The following NXPE1 variants were observed in gnomAD, a reference collection of about 807,000 sequenced individuals.
NXPE1 encodes NXPE family member 1.
Under a neutral mutation model 33.3 loss-of-function variants are expected in NXPE1, and 31 were observed. The observed-to-expected ratio is 0.93, with a 90% CI of 0.70 to 1.26. NXPE1 has a LOEUF of 1.26. Ranked by LOEUF, NXPE1 falls within the 50% of genes most tolerant of loss-of-function variation. The pLI is 0.00. For missense variants in NXPE1, 661 were observed against 655.6 expected, an observed-to-expected ratio of 1.01 and a Z score of -0.09; for synonymous variants, 229 against 231.4, an observed-to-expected ratio of 0.99 and a Z score of 0.09.
Position 114,527,905 on chromosome 11 carries a change from CAA to C in NXPE1, c.834-6_834-5del, listed in dbSNP as rs35058533. ...CATTTCAACTCCCACTTTGGACCTT[CAA>C]AAAAAAAATAGAACAATAAATTAGC... On this transcript the variant is annotated splice_region_variant and splice_polypyrimidine_tract_variant and intron_variant, in intron 6 of 8. Transcript: ENST00000534921. 5.0e-5 allele frequency: 74 copies of C among 1,486,120 alleles called. No homozygotes were observed. Among genetic ancestry groups the C allele is most frequent in the African/African-American group, 1.7e-4 (12 of 71,402 alleles). The allele number at this position is 1,486,120 out of a possible 1,614,324, so 92.1% of individuals were successfully genotyped here.
chr11:114,522,967 T>C lies in NXPE1; in HGVS notation c.1020A>G (p.Ile340Met), dbSNP rs115978809. ...TGAGTTTGCCTTTCAAACAGCCATT[T>C]ATCTTAATTGTGTCTAACTGAACCT... is the stretch of plus-strand genomic sequence containing the variant. Residue 340 changes from isoleucine (I) to methionine (M), a missense_variant, in exon 8 of 9, where the codon ATA becomes ATG. Physicochemically the swap from Ile to Met is conservative, Grantham distance 10. Coordinates refer to ENST00000534921, the Ensembl canonical transcript of NXPE1. The C allele has an allele frequency of 4.3e-6, 7 of 1,613,770 alleles. No individual in the cohort carries two copies. In the East Asian group the frequency reaches 1.6e-4, roughly 36 times the overall value.
chr11:114,527,920 AC>A lies in NXPE1; in HGVS notation c.834-20del. The A allele has an allele frequency of 6.3e-7, 1 of 1,581,264 alleles. No individual in the cohort carries two copies. Among genetic ancestry groups the A allele is most frequent in the African/African-American group, 1.4e-5 (1 of 73,950 alleles). On this transcript the variant is annotated intron_variant, in intron 6 of 8. Transcript: ENST00000534921. ...TTTGGACCTTCAAAAAAAAAATAGA[AC>A]AATAAATTAGCCTGCTCTCTGCCCA...
chr11:114,520,481 C>T (rs1947188130), downstream of NXPE1, among the ~76,000 whole-genome samples: 1 of 152,180 alleles, frequency 6.6e-6, no homozygotes, highest in African/African-American at 2.4e-5. Context: ...TTCCATTGTA[C>T]ATATATACTG....
chr11:114,537,960 C>T, intron 5 of NXPE1, among the ~76,000 whole-genome samples: 1 of 151,956 alleles, frequency 6.6e-6, no homozygotes, highest in African/African-American at 2.4e-5. Flanking sequence ...CCAAAAAGCC[C>T]ACATTGCCAA....
intron 1 of NXPE1, chr11:114,553,725 A>G (rs1329948480): frequency 1.0e-6 from 1 of 985,382 alleles, no homozygotes; most frequent in Admixed American, 6.1e-5. Context: ...TGCATATCCC[A>G]GTGTCTTTAA....
intron 5 of NXPE1, among the ~76,000 whole-genome samples, chr11:114,545,637 G>T (rs114200470): frequency 0.014 from 2,081 of 152,020 alleles, 51 homozygotes; most frequent in African/African-American, 0.048. Flanking sequence ...TGATACTGTT[G>T]TGTATACATG....
chr11:114,539,227 G>A (rs900115096), intron 5 of NXPE1, among the ~76,000 whole-genome samples: 5 of 148,950 alleles, frequency 3.4e-5, no homozygotes, highest in African/African-American at 1.2e-4. Context: ...GGTGGGAATT[G>A]AACAATGAGA....
At chr11:114,521,065 G>A (rs1489629467), downstream of NXPE1, among the ~76,000 whole-genome samples, 1 of 152,140 alleles carries the variant, frequency 6.6e-6, no homozygotes, top group Admixed American at 6.5e-5. Flanking sequence ...GTTTTTAAAT[G>A]GTGCTTTCCT....
rs116712555 is a variant in NXPE1, at chr11:114,522,310, G to A, written c.1302C>T (p.Ile434=). ...TAAAGTGCTGGCCAAAGGTGATGAC[G>A]ATGGCTGTGTTTTTGTCACCTGATA... Residue 434 remains isoleucine, a synonymous_variant, in exon 9 of 9, where the codon ATC becomes ATT. Transcript: ENST00000534921. 3.7e-4 allele frequency: 603 copies of A among 1,614,062 alleles called. 12 individuals carry two copies. The East Asian group carries it at 0.011, about 29-fold the overall frequency.
At chr11:114,534,240 A>G (rs1176313714) in intron 5 of NXPE1, among the ~76,000 whole-genome samples, 1 of 152,238 alleles carries the variant, frequency 6.6e-6, no homozygotes, top group African/African-American at 2.4e-5. Flanking sequence ...TGTTAGAAGG[A>G]AAACTAACAA....
intron 7 of NXPE1, among the ~76,000 whole-genome samples, chr11:114,524,029 G>T (rs1057164229): frequency 1.3e-5 from 2 of 152,204 alleles, no homozygotes; most frequent in South Asian, 2.1e-4. Flanking sequence ...AGGGACTCTT[G>T]TTCCTTCTAT....
chr11:114,552,433 G>A (rs577707923), intron 2 of NXPE1, among the ~76,000 whole-genome samples: 14 of 152,192 alleles, frequency 9.2e-5, no homozygotes, highest in Admixed American at 7.2e-4. Flanking sequence ...AGCATTCCAT[G>A]TCCAGTGTCT....
intron 5 of NXPE1, among the ~76,000 whole-genome samples, chr11:114,531,932 T>G (rs1476466376): frequency 6.6e-6 from 1 of 152,236 alleles, no homozygotes; most frequent in African/African-American, 2.4e-5. Flanking sequence ...TTTAAAAATA[T>G]GCACTCTTAG....
exon 8 of NXPE1, chr11:114,523,088 C>A (rs377195015): frequency 1.2e-6 from 2 of 1,610,228 alleles, no homozygotes; most frequent in African/African-American, 2.7e-5. Flanking sequence ...TATTTTTTCT[C>A]TCTCTGGTAA....
exon 6 of NXPE1, chr11:114,530,285 G>A: frequency 6.2e-7 from 1 of 1,614,154 alleles, no homozygotes. Flanking sequence ...TACAATAGAA[G>A]GCTTCTTGGT....
At chr11:114,544,938 G>A (rs1008313419) in intron 5 of NXPE1, among the ~76,000 whole-genome samples, 4 of 151,970 alleles carry the variant, frequency 2.6e-5, no homozygotes, top group South Asian at 2.1e-4. Flanking sequence ...GAAGAGACAC[G>A]CATTACAACT....
chr11:114,534,229 C>T (rs913029589), intron 5 of NXPE1, among the ~76,000 whole-genome samples: 2 of 152,200 alleles, frequency 1.3e-5, no homozygotes, highest in Non-Finnish European at 2.9e-5. Context: ...AGGGTTCTGA[C>T]TGTTAGAAGG....
At chr11:114,533,129 TG>T (rs920985105) in intron 5 of NXPE1, among the ~76,000 whole-genome samples, 21 of 152,296 alleles carry the variant, frequency 1.4e-4, no homozygotes, top group Non-Finnish European at 2.9e-4. Flanking sequence ...ATGAGAATGA[TG>T]GGGGGAGAAA....
chr11:114,533,953 G>T (rs1043811602), intron 5 of NXPE1, among the ~76,000 whole-genome samples: 2 of 152,224 alleles, frequency 1.3e-5, no homozygotes, highest in Non-Finnish European at 2.9e-5. Context: ...CTCCCAGCAT[G>T]CAGCTTGAGA....
Sources: gnomAD v4.1 joint callset for allele counts (sites outside exome capture counted in the v4.1 genomes callset) on GRCh38, gnomAD v4.1.1 for gene constraint, MANE v1.5 for transcripts, NCBI Gene and HGNC (gene_info 2026-07-23, HGNC 2026-07-21) for gene names.